The following ADAMTSL1 variants were observed in gnomAD, a reference collection of about 807,000 sequenced individuals.
ADAMTSL1 encodes ADAMTS-like protein 1.
In ADAMTSL1, 126 loss-of-function variants were observed where a neutral mutation model predicts 201.8. The ratio of observed to expected loss-of-function variants is 0.62; its 90% CI spans 0.54 to 0.72. The LOEUF (loss-of-function observed/expected upper bound fraction) is 0.72. Among genes scored for constraint, ADAMTSL1 ranks in the 30% least tolerant of loss-of-function variants. The pLI is 0.00. For missense variants in ADAMTSL1, 2,679 were observed against 2,277.8 expected, an observed-to-expected ratio of 1.18 and a Z score of -3.59; for synonymous variants, 1,121 against 903.4, an observed-to-expected ratio of 1.24 and a Z score of -4.32.
chr9:18,206,994 G>A (rs916295949), intron 2 of ADAMTSL1, among the ~76,000 whole-genome samples: 1 of 151,850 alleles, frequency 6.6e-6, no homozygotes, highest in Non-Finnish European at 1.5e-5. Flanking sequence ...GTGAAACCCC[G>A]TCTCTACTAA....
chr9:18,352,325 C>G (rs1563906351), intron 2 of ADAMTSL1, among the ~76,000 whole-genome samples: 1 of 152,148 alleles, frequency 6.6e-6, no homozygotes, highest in East Asian at 1.9e-4. Context: ...AAGGCAGATA[C>G]TGTAAGATTT....
chr9:18,660,825 T>A (rs373249818), intron 8 of ADAMTSL1, among the ~76,000 whole-genome samples: 1 of 152,162 alleles, frequency 6.6e-6, no homozygotes, highest in Non-Finnish European at 1.5e-5. Context: ...TTTTAGGGTC[T>A]TTAATGAACA....
chr9:18,439,292 A>T (rs1819891601), intron 2 of ADAMTSL1, among the ~76,000 whole-genome samples: 1 of 152,216 alleles, frequency 6.6e-6, no homozygotes, highest in Non-Finnish European at 1.5e-5. Flanking sequence ...GAATTTGCTC[A>T]TTGTTATTCC....
intron 1 of ADAMTSL1, among the ~76,000 whole-genome samples, chr9:17,991,918 AC>A (rs1161056816): frequency 1.3e-5 from 2 of 152,104 alleles, no homozygotes; most frequent in Non-Finnish European, 2.9e-5. Flanking sequence ...ACCCTGCGAC[AC>A]TGCCTTGCCC....
intron 2 of ADAMTSL1, among the ~76,000 whole-genome samples, chr9:18,190,214 C>T (rs1332290249): frequency 7.9e-5 from 12 of 152,194 alleles, no homozygotes; most frequent in African/African-American, 2.9e-4. Flanking sequence ...CTTTTGCTTT[C>T]AAATTCCAGC....
chr9:18,173,354 C>G (rs1563784436), intron 2 of ADAMTSL1, among the ~76,000 whole-genome samples: 1 of 152,034 alleles, frequency 6.6e-6, no homozygotes, highest in Non-Finnish European at 1.5e-5. Context: ...ACAGCAGAAC[C>G]CAACATCATG....
intron 13 of ADAMTSL1, among the ~76,000 whole-genome samples, chr9:18,705,242 C>G (rs1402674007): frequency 6.6e-6 from 1 of 152,130 alleles, no homozygotes; most frequent in Non-Finnish European, 1.5e-5. Context: ...GGTTAAGGAG[C>G]CAGGTTTGCA....
Position 18,329,592 on chromosome 9 carries a change from G to A in ADAMTSL1, c.207+165611G>A, listed in dbSNP as rs192057614. ...TAGGGACCTAAACTACTCAAATGAAGGCAGTACTTAAAACCCCTCATTCAA... is the reference window on the plus strand; with the variant it reads ...TAGGGACCTAAACTACTCAAATGAAAGCAGTACTTAAAACCCCTCATTCAA... On this transcript the variant is annotated intron_variant, in intron 2 of 29. Coordinates refer to the ADAMTSL1 transcript ENST00000680146. Among the ~76,000 whole-genome samples, 15 of 152,290 alleles carry A rather than the reference G, an allele frequency of 9.8e-5. 1 individual carries two copies. Among genetic ancestry groups the A allele is most frequent in the Admixed American group, 3.9e-4 (6 of 15,294 alleles).
chr9:18,904,932 T>A (rs1247731170), intron 26 of ADAMTSL1, among the ~76,000 whole-genome samples: 1 of 151,846 alleles, frequency 6.6e-6, no homozygotes, highest in East Asian at 1.9e-4. Flanking sequence ...TCTGAGTACT[T>A]GATGAAAGCT....
chr9:18,908,840 A>C lies in ADAMTSL1; in HGVS notation c.*292A>C. ...TCCCTTGAAGAGCTTCCTCCCTCCC[A>C]AACCTGGGTCTCAAAGACCTAGAAA... is the stretch of plus-strand genomic sequence containing the variant. On this transcript the variant is annotated 3_prime_UTR_variant, in exon 29 of 29. Transcript: ENST00000380548. The C allele has an allele frequency of 3.4e-6, 1 of 292,278 alleles. No homozygotes were observed. Among genetic ancestry groups the C allele is most frequent in the South Asian group, 5.2e-5 (1 of 19,218 alleles). The allele number at this position is 292,278 out of a possible 1,614,324, so 18.1% of individuals were successfully genotyped here.
chr9:18,853,887 C>G (rs1273539489), intron 23 of ADAMTSL1, among the ~76,000 whole-genome samples: 1 of 80,828 alleles, frequency 1.2e-5, no homozygotes, highest in African/African-American at 3.4e-5. Flanking sequence ...TGTATTCACT[C>G]TCTGTGTGTG....
At chr9:18,633,720 T>A (rs1826929932) in intron 5 of ADAMTSL1, among the ~76,000 whole-genome samples, 1 of 151,748 alleles carries the variant, frequency 6.6e-6, no homozygotes, top group African/African-American at 2.4e-5. Flanking sequence ...CACAAATTCT[T>A]AGCTCTCTGA....
chr9:18,681,707 G>GGA (rs1274386324), intron 11 of ADAMTSL1, 105 bp from the exon 12 acceptor site: 5 of 739,778 alleles, frequency 6.8e-6, no homozygotes, highest in Non-Finnish European at 7.5e-6. Flanking sequence ...TGGGGGGGGG[G>GGA]GGCGGGGAAA....
At chr9:18,889,981 G>C (rs951379033) in intron 25 of ADAMTSL1, among the ~76,000 whole-genome samples, 3 of 152,074 alleles carry the variant, frequency 2.0e-5, no homozygotes, top group Non-Finnish European at 4.4e-5. Context: ...TGGCCAGCCA[G>C]GTTTCCCAAG....
At chr9:18,078,599 G>A (rs1393704896) in intron 1 of ADAMTSL1, among the ~76,000 whole-genome samples, 2 of 152,154 alleles carry the variant, frequency 1.3e-5, no homozygotes, top group Non-Finnish European at 2.9e-5. Flanking sequence ...TGGTCCTGGT[G>A]TATATTTAAA....
chr9:18,630,974 A>G (rs1826729225), intron 5 of ADAMTSL1, among the ~76,000 whole-genome samples: 1 of 152,102 alleles, frequency 6.6e-6, no homozygotes, highest in African/African-American at 2.4e-5. Context: ...GCTGACACTC[A>G]TTTTGTGAGT....
chr9:18,139,461 C>G (rs1437109473), intron 1 of ADAMTSL1, among the ~76,000 whole-genome samples: 1 of 152,092 alleles, frequency 6.6e-6, no homozygotes, highest in East Asian at 1.9e-4. Flanking sequence ...GGAAGGGGTG[C>G]CAACTTCCTT....
At chr9:18,649,079 G>T (rs1020550305) in intron 7 of ADAMTSL1, among the ~76,000 whole-genome samples, 3 of 152,140 alleles carry the variant, frequency 2.0e-5, no homozygotes, top group Non-Finnish European at 4.4e-5. Flanking sequence ...TGGAGGCTTT[G>T]TTCGTTTCTT....
At chr9:18,170,256 C>G (rs1376290238) in intron 2 of ADAMTSL1, among the ~76,000 whole-genome samples, 1 of 151,938 alleles carries the variant, frequency 6.6e-6, no homozygotes, top group Non-Finnish European at 1.5e-5. Flanking sequence ...AACTAATACT[C>G]TAAATCATTT....
Sources: gnomAD v4.1 joint callset for allele counts (sites outside exome capture counted in the v4.1 genomes callset) on GRCh38, gnomAD v4.1.1 for gene constraint, MANE v1.5 for transcripts, NCBI Gene and HGNC (gene_info 2026-07-23, HGNC 2026-07-21) for gene names.